DOT1L: variants seen among roughly 807,000 people sequenced by gnomAD.
DOT1L encodes the protein histone-lysine N-methyltransferase, H3 lysine-79 specific.
A neutral mutation model predicts 153.3 loss-of-function variants in DOT1L; 33 were observed. That is an observed-to-expected ratio of 0.22 (90% CI 0.16 to 0.29). The LOEUF (loss-of-function observed/expected upper bound fraction) is 0.29. Ranked by LOEUF, DOT1L falls within the 10% of genes least tolerant of loss-of-function variation. The pLI is 1.00. For missense variants in DOT1L, 1,847 were observed against 2,119.9 expected, an observed-to-expected ratio of 0.87 and a Z score of 2.53; for synonymous variants, 1,135 against 965.1, an observed-to-expected ratio of 1.18 and a Z score of -3.26.
In DOT1L at chr19:2,231,018, C is replaced by T. The variant is rs775598599; in HGVS notation, c.*1226C>T. ...CCCAGGGTGACGTCGGCCCCCCACT[C>T]TGCAGCCTTGGCGGGTGCCTGGGAC... is the stretch of plus-strand genomic sequence containing the variant. On this transcript the variant is annotated 3_prime_UTR_variant, in exon 28 of 28. Transcript: ENST00000398665. The T allele has an allele frequency of 2.5e-5, 6 of 238,220 alleles. No homozygotes were observed. The highest frequency in any genetic ancestry group is 4.1e-5 in the Non-Finnish European group (5 of 121,866). 14.8% of individuals were successfully genotyped at this position (238,220 alleles called of 1,614,324 possible).
chr19:2,226,202 G>A lies in DOT1L; in HGVS notation c.3681G>A (p.Arg1227=). The A allele has an allele frequency of 1.3e-6, 2 of 1,519,776 alleles. No individual in the cohort carries two copies. The highest frequency in any genetic ancestry group is 1.3e-5 in the South Asian group (1 of 76,436). The allele number at this position is 1,519,776 out of a possible 1,614,324, so 94.1% of individuals were successfully genotyped here. A position where few individuals can be genotyped will look rare whatever the true frequency, so the allele number is the denominator to read the frequency against. The part of the protein sequence containing the change: ...TLENGGGLAG[R]KPAPAGEPVN... The stretch of plus-strand genomic sequence containing the variant: ...TGCCAGGTGGTGGCTTGGCGGGAAG[G>A]AAGCCCGCGCCCGCCGGCGAGCCAG... The change falls in exon 27 of 28, where the codon AGG becomes AGA. Residue 1227 remains arginine (R), a synonymous_variant. Transcript: ENST00000398665.
intron 25 of DOT1L, among the ~76,000 whole-genome samples, chr19:2,225,077 T>A (rs560481628): frequency 6.6e-6 from 1 of 152,340 alleles, no homozygotes; most frequent in African/African-American, 2.4e-5. Context: ...TGTCTGGGAT[T>A]CTCACACTTC....
chr19:2,231,821 C>G lies in DOT1L; in HGVS notation c.*2029C>G, dbSNP rs1159936870. ...GTGACAGTGGCAGTCCGGGTGCCAT[C>G]ACGGGTCCTGCAGATGGCCATGCAG... On this transcript the variant is annotated 3_prime_UTR_variant, in exon 28 of 28. Transcript: ENST00000398665. 1.8e-5 allele frequency: 4 copies of G among 219,118 alleles called. No homozygotes were observed. The highest frequency in any genetic ancestry group is 5.8e-5 in the Admixed American group (1 of 17,216). The allele number at this position is 219,118 out of a possible 1,614,324, so 13.6% of individuals were successfully genotyped here.
chr19:2,189,777 C>T lies in DOT1L; in HGVS notation c.246C>T (p.Ile82=), dbSNP rs777157799. The T allele has an allele frequency of 7.4e-6, 12 of 1,612,122 alleles. No homozygotes were observed. Among genetic ancestry groups the T allele is most frequent in the South Asian group, 4.4e-5 (4 of 91,082 alleles). The change falls in exon 4 of 28, where the codon ATC becomes ATT. Residue 82 remains isoleucine (I), a synonymous_variant. Transcript: ENST00000398665. Reference sequence around the variant, plus strand: ...TCTGCGACAAGTACAACCGTGCCATCGACAGCATCCACCAGCTGGTAGGTG... The same window carrying T: ...TCTGCGACAAGTACAACCGTGCCATTGACAGCATCCACCAGCTGGTAGGTG... The part of the protein sequence containing the change: ...QRLCDKYNRA[I]DSIHQLWKGT...
In DOT1L at chr19:2,208,801, A is replaced by G. The variant is rs973222815; in HGVS notation, c.964-134A>G. 9 of 887,278 alleles carry G rather than the reference A, an allele frequency of 1.0e-5. No individual in the cohort carries two copies. The highest frequency in any genetic ancestry group is 1.6e-5 in the Non-Finnish European group (9 of 566,636). The allele number at this position is 887,278 out of a possible 1,614,324, so 55.0% of individuals were successfully genotyped here. The stretch of plus-strand genomic sequence containing the variant: ...TTTGCCACTGGGGGGCTCTAGCTGC[A>G]TGCCTGCTGTCCCCAGATACCAGAA... On this transcript the variant is annotated intron_variant, in intron 11 of 27. Coordinates refer to ENST00000398665, the MANE Select transcript of DOT1L (RefSeq NM_032482.3). This position sits in a 1 kb window ranked among gnomAD's most constrained non-coding sequence, Gnocchi z 4.4.
chr19:2,217,751 G>T lies in DOT1L; in HGVS notation c.2545-21G>T, dbSNP rs1395220001. On this transcript the variant is annotated intron_variant, in intron 21 of 27. Transcript: ENST00000398665. This position sits in a 1 kb window ranked among gnomAD's most constrained non-coding sequence, Gnocchi z 7.3. ...GAGGGGTTTGTTGACCCACGACTGGGGGTCGGGCCTTCGTCTGCAGGGCCT... is the reference window on the plus strand; with the variant it reads ...GAGGGGTTTGTTGACCCACGACTGGTGGTCGGGCCTTCGTCTGCAGGGCCT... 5.0e-6 allele frequency: 8 copies of T among 1,590,226 alleles called. No individual in the cohort carries two copies. Among genetic ancestry groups the T allele is most frequent in the Non-Finnish European group, 6.0e-6 (7 of 1,169,638 alleles).
intron 8 of DOT1L, 35 bp downstream of exon 8, chr19:2,199,974 G>T (rs769159104): frequency 1.2e-6 from 2 of 1,609,666 alleles, no homozygotes; most frequent in Admixed American, 1.7e-5. Flanking sequence ...GGCATGTGGG[G>T]TGTGCGCTCA....
chr19:2,223,193 G>T, intron 24 of DOT1L, 88 bp from the exon 25 acceptor site: 1 of 1,467,072 alleles, frequency 6.8e-7, no homozygotes, highest in Non-Finnish European at 9.4e-7. Flanking sequence ...CTGGGGTGCA[G>T]ACAGGAGCCT....
intron 3 of DOT1L, 60 bp downstream of exon 3, chr19:2,185,989 CAGG>C (rs1472113202): frequency 1.3e-6 from 2 of 1,490,762 alleles, no homozygotes; most frequent in African/African-American, 2.8e-5. Flanking sequence ...TTGGGGAGGA[CAGG>C]AGGACGCATC....
At chr19:2,182,966 A>G (rs928341397) in intron 2 of DOT1L, among the ~76,000 whole-genome samples, 11 of 152,114 alleles carry the variant, frequency 7.2e-5, no homozygotes, top group African/African-American at 2.7e-4. Flanking sequence ...GGCATCCGCG[A>G]CGTAGGCAGA....
chr19:2,190,382 A>G lies in DOT1L; in HGVS notation c.264+587A>G, dbSNP rs992749199. On this transcript the variant is annotated intron_variant, in intron 4 of 27. Coordinates refer to ENST00000398665, the MANE Select transcript of DOT1L (RefSeq NM_032482.3). This position sits in a 1 kb window ranked among gnomAD's most constrained non-coding sequence, Gnocchi z 4.8. ...CTCTTTCTTGAAGGTCTTGCTGTGG[A>G]GGGAGCCCTGGTGGGGGTGGCATGG... is the stretch of plus-strand genomic sequence containing the variant. 4.6e-5 allele frequency among the ~76,000 whole-genome samples: 7 copies of G among 151,938 alleles called. No individual in the cohort carries two copies. Among genetic ancestry groups the G allele is most frequent in the African/African-American group, 9.7e-5 (4 of 41,334 alleles).
chr19:2,219,827 A>G (rs1012898365), intron 22 of DOT1L, among the ~76,000 whole-genome samples: 3 of 152,002 alleles, frequency 2.0e-5, no homozygotes, highest in African/African-American at 7.3e-5. Flanking sequence ...GGTTGTGCCC[A>G]GTACCCCCTC....
chr19:2,164,838 C>A (rs2019847962), intron 1 of DOT1L, among the ~76,000 whole-genome samples: 1 of 152,188 alleles, frequency 6.6e-6, no homozygotes, highest in Admixed American at 6.6e-5. Context: ...TGGGTATGGG[C>A]TGCCCTGGCC....
intron 1 of DOT1L, among the ~76,000 whole-genome samples, chr19:2,179,520 T>C (rs779030277): frequency 6.6e-6 from 1 of 152,158 alleles, no homozygotes; most frequent in Non-Finnish European, 1.5e-5. Flanking sequence ...AAAAAAGACA[T>C]GGGCTGGCTG....
Position 2,217,174 on chromosome 19 carries a change from C to T in DOT1L, c.2544+84C>T. 1 of 1,462,184 alleles carries T rather than the reference C, an allele frequency of 6.8e-7. No individual in the cohort carries two copies. Among genetic ancestry groups the T allele is most frequent in the South Asian group, 1.4e-5 (1 of 72,188 alleles). The allele number at this position is 1,462,184 out of a possible 1,614,324, so 90.6% of individuals were successfully genotyped here. Reference sequence around the variant, plus strand: ...CGAGTTGCTAGCAGGAGGGCTTGTCCTAGTTGACCTTGGGGCACGGTGAGG... The same window carrying T: ...CGAGTTGCTAGCAGGAGGGCTTGTCTTAGTTGACCTTGGGGCACGGTGAGG... On this transcript the variant is annotated intron_variant, in intron 21 of 27. Transcript: ENST00000398665. The surrounding 1 kb of genome is among the most constrained non-coding windows in gnomAD (Gnocchi z 7.3).
intron 27 of DOT1L, chr19:2,227,860 C>T (rs753844479): frequency 5.5e-6 from 7 of 1,282,006 alleles, no homozygotes; most frequent in South Asian, 4.9e-5. Context: ...GCCAGCGCCT[C>T]GGCCTCTTCC....
In DOT1L at chr19:2,223,799, C is replaced by T. The variant is rs1204937151; in HGVS notation, c.3596+313C>T. 3.9e-5 allele frequency among the ~76,000 whole-genome samples: 6 copies of T among 152,210 alleles called. No homozygotes were observed. In the East Asian group the frequency reaches 7.7e-4, roughly 19 times the overall value. ...TGAGGCGTTGGAGGTCTCATCCACA[C>T]GTCTTGCCGAGTGTATTACAGTAGC... On this transcript the variant is annotated intron_variant, in intron 25 of 27. Coordinates refer to ENST00000398665, the MANE Select transcript of DOT1L (RefSeq NM_032482.3).
chr19:2,195,612 T>C (rs2269880), intron 7 of DOT1L, among the ~76,000 whole-genome samples: 70,856 of 151,712 alleles, frequency 0.47, 16,752 homozygotes, highest in Middle Eastern at 0.53. Context: ...CCCTCGAGCC[T>C]CAGAGCCCGC....
At chr19:2,170,661 C>A (rs1283861746) in intron 1 of DOT1L, among the ~76,000 whole-genome samples, 1 of 152,218 alleles carries the variant, frequency 6.6e-6, no homozygotes, top group Non-Finnish European at 1.5e-5. Flanking sequence ...ACCTGTGCTT[C>A]TGAGTGACCG....
Sources: allele counts gnomAD v4.1 joint callset (sites outside exome capture counted in the v4.1 genomes callset), GRCh38; gene constraint gnomAD v4.1.1; non-coding constraint Gnocchi (gnomAD v3.1); transcripts MANE v1.5; gene names NCBI Gene and HGNC (gene_info 2026-07-23, HGNC 2026-07-21).